Variants in MED23 observed in about 807,000 individuals in gnomAD.
The protein encoded by MED23 is mediator of RNA polymerase II transcription subunit 23.
MED23 carries 105 observed loss-of-function variants against 163.9 expected under a neutral mutation model. The observed-to-expected ratio is 0.64, with a 90% CI of 0.55 to 0.75. MED23 has a LOEUF of 0.75. Ranked by LOEUF, MED23 falls within the 30% of genes least tolerant of loss-of-function variation. MED23 has a pLI of 0.00. For synonymous variants in MED23, 561 were observed against 565.6 expected, an observed-to-expected ratio of 0.99 and a Z score of 0.12; for missense variants, 1,054 against 1,649.0, an observed-to-expected ratio of 0.64 and a Z score of 6.25.
chr6:131,585,858 G>A (rs1421017411), downstream of MED23, among the ~76,000 whole-genome samples: 1 of 152,160 alleles, frequency 6.6e-6, no homozygotes, highest in Non-Finnish European at 1.5e-5. Context: ...ATATTCCCAT[G>A]TTTTTAAGCT....
At chr6:131,596,343 T>A (rs537873765) in intron 21 of MED23, 175 bp downstream of exon 21, 1 of 888,954 alleles carries the variant, frequency 1.1e-6, no homozygotes, top group Admixed American at 2.4e-5. Context: ...CAGTTTCAAT[T>A]TATTCTCAAC....
rs570004769 is a variant in MED23, at chr6:131,600,297, C to T, written c.2096-135G>A. 4.7e-6 allele frequency: 4 copies of T among 842,540 alleles called. No individual in the cohort carries two copies. The South Asian group carries it at 6.3e-5, about 13-fold the overall frequency. The allele number at this position is 842,540 out of a possible 1,614,324, so 52.2% of individuals were successfully genotyped here. ...CATTCACTGCTTAACTAGTTATATT[C>T]AGCTTAGAACCTAAATTTGCTTAGT... On this transcript the variant is annotated intron_variant, in intron 17 of 28. Coordinates refer to ENST00000368068, the MANE Select transcript of MED23 (RefSeq NM_004830.4).
In MED23 at chr6:131,587,573, C is replaced by T; in HGVS notation, c.*106G>A. 1 of 1,571,452 alleles carries T rather than the reference C, an allele frequency of 6.4e-7. No homozygotes were observed. The highest frequency in any genetic ancestry group is 2.3e-5 in the East Asian group (1 of 43,446). On this transcript the variant is annotated 3_prime_UTR_variant, in exon 29 of 29. Transcript: ENST00000368068. ...AAATAAAACAATCTGAATATCATCA[C>T]TGCTTCTACTATATCACTACAGTGT...
At chr6:131,575,915 T>C (rs1773589846) in intron 30 of MED23, among the ~76,000 whole-genome samples, 2 of 152,198 alleles carry the variant, frequency 1.3e-5, no homozygotes, top group Admixed American at 1.3e-4. Context: ...AGCTCCCAGA[T>C]GATGACTTTT....
At chr6:131,577,478 G>C (rs1019890474) in intron 30 of MED23, among the ~76,000 whole-genome samples, 6 of 152,140 alleles carry the variant, frequency 3.9e-5, no homozygotes, top group South Asian at 2.1e-4. Context: ...TAAGAGATTT[G>C]TGCTTGAATG....
At chr6:131,581,152 G>A (rs945997924) in intron 30 of MED23, 3 of 1,517,392 alleles carry the variant, frequency 2.0e-6, no homozygotes, top group African/African-American at 2.7e-5. Flanking sequence ...GGAGCATTGA[G>A]TGAATAATAT....
intron 14 of MED23, 99 bp downstream of exon 14, chr6:131,605,141 G>T: frequency 7.7e-7 from 1 of 1,292,438 alleles, no homozygotes; most frequent in South Asian, 1.3e-5. Context: ...AAATGTACCT[G>T]ACTATGAAAT....
chr6:131,592,800 G>A, intron 24 of MED23: 1 of 640,284 alleles, frequency 1.6e-6, no homozygotes, highest in Non-Finnish European at 2.7e-6. Context: ...ATGAGTAGAA[G>A]TAGGAACAAA....
At chr6:131,614,031 T>C (rs1352646402) in intron 10 of MED23, among the ~76,000 whole-genome samples, 2 of 152,180 alleles carry the variant, frequency 1.3e-5, no homozygotes, top group Admixed American at 1.3e-4. Context: ...TTTTAAAACA[T>C]AGCATGAAGC....
intron 22 of MED23, 118 bp downstream of exon 22, chr6:131,595,829 A>G: frequency 3.9e-6 from 3 of 766,988 alleles, no homozygotes; most frequent in Non-Finnish European, 6.5e-6. Flanking sequence ...TCCTCAAAAC[A>G]CTTCATTTTT....
downstream of MED23, chr6:131,583,528 A>G: frequency 6.2e-7 from 1 of 1,605,704 alleles, no homozygotes; most frequent in Non-Finnish European, 8.5e-7. Context: ...AAGCAAGTGT[A>G]CACTTGACTA....
chr6:131,620,812 T>C, intron 6 of MED23, 83 bp from the exon 7 acceptor site: 1 of 826,400 alleles, frequency 1.2e-6, no homozygotes, highest in Non-Finnish European at 1.9e-6. Flanking sequence ...TTATTTTTTT[T>C]TTTTTTTGAG....
chr6:131,594,075 C>T (rs1774857856), intron 23 of MED23, 24 bp downstream of exon 23: 1 of 1,563,604 alleles, frequency 6.4e-7, no homozygotes, highest in Non-Finnish European at 8.8e-7. Context: ...TTCTGGGAGT[C>T]TAAAATCACA....
rs778880214 is a variant in MED23, at chr6:131,587,648, A to G, written c.*31T>C. The G allele has an allele frequency of 5.0e-6, 8 of 1,613,814 alleles. No individual in the cohort carries two copies. In the Admixed American group the frequency reaches 8.3e-5, roughly 17 times the overall value. ...TGAGTCCACTCTCAAAGACGGATAT[A>G]TTTCTACTTTCTCCACAGTACAGTC... On this transcript the variant is annotated 3_prime_UTR_variant, in exon 29 of 29. Coordinates refer to ENST00000368068, the MANE Select transcript of MED23 (RefSeq NM_004830.4).
rs1156582554 is a variant in MED23, at chr6:131,615,948, A to G, written c.835T>C (p.Ser279Pro). The change falls in exon 10 of 29, where the codon TCC becomes CCC. Residue 279 changes from serine to proline, a missense_variant. Physicochemically the swap from Ser to Pro is moderately conservative, Grantham distance 74. Around this residue, in one of 11 missense-constraint regions of MED23, gnomAD observed 1 missense variants for 17.6 expected, o/e 0.06. Coordinates refer to ENST00000368068, the MANE Select transcript of MED23 (RefSeq NM_004830.4). ...AGCATATTGCAGACCATATCCCTGG[A>G]ATAAGGCTGCTCCAATACATATCTC... ...LLRYVLEQPY[S>P]RDMVCNMLGL... 1 of 1,613,770 alleles carries G rather than the reference A, an allele frequency of 6.2e-7. No individual in the cohort carries two copies. Among genetic ancestry groups the G allele is most frequent in the African/African-American group, 1.3e-5 (1 of 74,922 alleles).
rs529688481 is a variant in MED23, at chr6:131,612,264, C to T, written c.877-2018G>A. Among the ~76,000 whole-genome samples the T allele has an allele frequency of 4.6e-5, 7 of 150,980 alleles. No individual in the cohort carries two copies. In the South Asian group the frequency reaches 8.3e-4, roughly 18 times the overall value. On this transcript the variant is annotated intron_variant, in intron 10 of 28. Transcript: ENST00000368068. ...AGACAGCTTAAATATGTTGCTTTAT[C>T]TGCAAATTTTGGTAACATCAAAAAA...
In MED23 at chr6:131,603,173, A is replaced by G; in HGVS notation, c.1788T>C (p.His596=). The change falls in exon 16 of 29, where the codon CAT becomes CAC. Residue 596 remains histidine (H), a synonymous_variant. Coordinates refer to ENST00000368068, the MANE Select transcript of MED23 (RefSeq NM_004830.4). The stretch of plus-strand genomic sequence containing the variant: ...GGAGTGTGTGTAAGATCCCCCATGC[A>G]TGTGATTTGAAAACAGTTGGCAAAA... ...SQLLPTVFKS[H]AWGILHTLLE... is the part of the protein sequence containing the mutation. 6.2e-7 allele frequency: 1 copy of G among 1,613,970 alleles called. No individual in the cohort carries two copies. The highest frequency in any genetic ancestry group is 8.5e-7 in the Non-Finnish European group (1 of 1,179,872).
intron 28 of MED23, 90 bp downstream of exon 28, chr6:131,589,375 A>C (rs901642546): frequency 3.1e-6 from 4 of 1,297,702 alleles, no homozygotes; most frequent in Non-Finnish European, 3.2e-6. Flanking sequence ...CAAAATAAAA[A>C]TAATCACCCA....
intron 20 of MED23, among the ~76,000 whole-genome samples, chr6:131,597,026 T>C (rs916060951): frequency 2.6e-5 from 4 of 152,240 alleles, no homozygotes; most frequent in Admixed American, 2.6e-4. Context: ...TATTGATTTA[T>C]AGACTTACAT....
Sources: allele counts gnomAD v4.1 joint callset (sites outside exome capture counted in the v4.1 genomes callset), GRCh38; gene constraint gnomAD v4.1.1; regional missense constraint gnomAD v4.1.1; transcripts MANE v1.5; gene names NCBI Gene and HGNC (gene_info 2026-07-23, HGNC 2026-07-21).